Variants in ZNF385D observed in about 807,000 individuals in gnomAD.
ZNF385D encodes the protein zinc finger protein 659.
In ZNF385D, 15 loss-of-function variants were observed where a neutral mutation model predicts 35.8. The ratio of observed to expected loss-of-function variants is 0.42; its 90% CI spans 0.28 to 0.64. ZNF385D has a LOEUF of 0.64. ZNF385D is among the 30% of genes least tolerant of loss of function. The probability of loss-of-function intolerance (pLI) is 0.23; values close to 1 mark genes in which losing one functional copy is unlikely to be tolerated. For synonymous variants in ZNF385D, 212 were observed against 186.8 expected (o/e 1.13, Z -1.10); for missense variants, 474 against 494.6 (o/e 0.96, Z 0.39).
intron 3 of ZNF385D, among the ~76,000 whole-genome samples, chr3:22,165,155 CTT>C (rs1357776283): frequency 6.6e-6 from 1 of 152,142 alleles, no homozygotes; most frequent in African/African-American, 2.4e-5. Flanking sequence ...AAACTATAGA[CTT>C]TGGGTGATAG....
chr3:21,835,230 G>A lies in ZNF385D; in HGVS notation c.326-170202C>T, dbSNP rs142279692. ...CTAAGAAGGAAAGAAAAAAACTAGT[G>A]AGGCTATGTATAGTTTGCTTACTTT... On this transcript the variant is annotated intron_variant, in intron 3 of 5. Transcript: ENST00000494108. 1.8e-3 allele frequency among the ~76,000 whole-genome samples: 261 copies of A among 146,024 alleles called. 1 individual carries two copies. Among genetic ancestry groups the A allele is most frequent in the African/African-American group, 6.4e-3 (250 of 38,936 alleles).
At chr3:22,092,259 G>A (rs1576305086) in intron 3 of ZNF385D, among the ~76,000 whole-genome samples, 1 of 152,216 alleles carries the variant, frequency 6.6e-6, no homozygotes, top group East Asian at 1.9e-4. Flanking sequence ...GTTAGTAGAA[G>A]CTACTAAGGG....
intron 2 of ZNF385D, among the ~76,000 whole-genome samples, chr3:21,607,072 AAC>A (rs1376487057): frequency 6.6e-6 from 1 of 152,212 alleles, no homozygotes; most frequent in Non-Finnish European, 1.5e-5. Flanking sequence ...CAATTTATTT[AAC>A]ACTAATCATA....
intron 2 of ZNF385D, among the ~76,000 whole-genome samples, chr3:22,265,985 C>G (rs1700877210): frequency 6.6e-6 from 1 of 151,938 alleles, no homozygotes; most frequent in South Asian, 2.1e-4. Context: ...CTCTTCTATA[C>G]TGGGACCAGC....
chr3:21,571,720 C>T (rs1051772537), intron 2 of ZNF385D, among the ~76,000 whole-genome samples: 1 of 152,030 alleles, frequency 6.6e-6, no homozygotes, highest in Non-Finnish European at 1.5e-5. Context: ...TCCCATGCCC[C>T]CAACAGGTTT....
At chr3:22,291,386 T>C (rs1702295208) in intron 2 of ZNF385D, among the ~76,000 whole-genome samples, 1 of 152,134 alleles carries the variant, frequency 6.6e-6, no homozygotes, top group African/African-American at 2.4e-5. Context: ...ATTTGAGTCC[T>C]ACATATTTAT....
chr3:22,364,439 G>T (rs114740729), intron 2 of ZNF385D, among the ~76,000 whole-genome samples: 1 of 151,904 alleles, frequency 6.6e-6, no homozygotes, highest in African/African-American at 2.4e-5. Flanking sequence ...ATGGGCAAAG[G>T]ACTTGACTAA....
chr3:22,215,636 T>C (rs946027279), intron 2 of ZNF385D, among the ~76,000 whole-genome samples: 5 of 152,048 alleles, frequency 3.3e-5, no homozygotes, highest in African/African-American at 1.2e-4. Context: ...CGAAACTTCA[T>C]TAGCAATTTT....
intron 2 of ZNF385D, among the ~76,000 whole-genome samples, chr3:21,577,018 A>G (rs576128865): frequency 2.6e-5 from 4 of 152,144 alleles, no homozygotes; most frequent in African/African-American, 4.8e-5. Flanking sequence ...GGAACATTCA[A>G]TGTCTTCTCA....
intron 2 of ZNF385D, among the ~76,000 whole-genome samples, chr3:21,616,650 T>C (rs1476917293): frequency 1.3e-5 from 2 of 152,240 alleles, no homozygotes; most frequent in African/African-American, 4.8e-5. Context: ...TTCCCATGCT[T>C]ATTTCATATT....
intron 1 of ZNF385D, among the ~76,000 whole-genome samples, chr3:21,726,333 T>C (rs948969892): frequency 6.6e-6 from 1 of 152,216 alleles, no homozygotes; most frequent in South Asian, 2.1e-4. Context: ...GCCAGGGCAA[T>C]CAGGCAGGAG....
At chr3:21,596,023 G>A (rs73137046) in intron 2 of ZNF385D, among the ~76,000 whole-genome samples, 4 of 152,040 alleles carry the variant, frequency 2.6e-5, no homozygotes, top group Non-Finnish European at 5.9e-5. Flanking sequence ...CAATGCAAAG[G>A]CATTTTTATT....
At position 22,061,369 on chromosome 3, in the gene ZNF385D, G is replaced by A. The variant is rs146868303; in HGVS notation, c.325+107448C>T. Among the ~76,000 whole-genome samples the A allele has an allele frequency of 1.3e-3, 193 of 151,972 alleles. 4 individuals carry two copies. In the East Asian group the frequency reaches 0.031, roughly 24 times the overall value. On this transcript the variant is annotated intron_variant, in intron 3 of 5. Transcript: ENST00000494108. ...CCCCCCATTTCTTTCTACTTTTCCT[G>A]CTTCCACCTATTCTAAGACATTGTT...
intron 2 of ZNF385D, among the ~76,000 whole-genome samples, chr3:22,230,433 C>T (rs933430292): frequency 6.6e-6 from 1 of 152,154 alleles, no homozygotes; most frequent in African/African-American, 2.4e-5. Context: ...TACGCCTTCC[C>T]TGGAGTTTTC....
intron 3 of ZNF385D, among the ~76,000 whole-genome samples, chr3:21,537,447 A>G (rs900994459): frequency 1.3e-5 from 2 of 151,966 alleles, no homozygotes; most frequent in Admixed American, 6.6e-5. Context: ...GCCCGGCCCA[A>G]CATTTTTTAA....
At chr3:21,658,634 C>T (rs1435319432) in intron 2 of ZNF385D, among the ~76,000 whole-genome samples, 6 of 151,770 alleles carry the variant, frequency 4.0e-5, no homozygotes, top group South Asian at 2.1e-4. Context: ...AAAAAATGTG[C>T]GTTGAGTCTT....
chr3:22,064,934 G>T (rs374099263), intron 3 of ZNF385D, among the ~76,000 whole-genome samples: 9 of 152,160 alleles, frequency 5.9e-5, no homozygotes, highest in African/African-American at 2.2e-4. Context: ...TAAAGCTAAT[G>T]TATCAGTAGC....
At chr3:21,766,028 G>A (rs1434645027) in intron 3 of ZNF385D, among the ~76,000 whole-genome samples, 1 of 152,012 alleles carries the variant, frequency 6.6e-6, no homozygotes, top group Non-Finnish European at 1.5e-5. Flanking sequence ...AGAAAAGAAG[G>A]TAGCAGCATT....
At chr3:21,998,996 T>A (rs532095318) in intron 3 of ZNF385D, among the ~76,000 whole-genome samples, 26 of 152,326 alleles carry the variant, frequency 1.7e-4, no homozygotes, top group African/African-American at 5.8e-4. Context: ...CCAATTGAGA[T>A]AGTTTACTTG....
Sources: allele counts gnomAD v4.1 joint callset (sites outside exome capture counted in the v4.1 genomes callset), GRCh38; gene constraint gnomAD v4.1.1; transcripts MANE v1.5; gene names NCBI Gene and HGNC (gene_info 2026-07-23, HGNC 2026-07-21).